The following CFAP47 variants were observed in gnomAD, a reference collection of about 807,000 sequenced individuals.
CFAP47 encodes cilia- and flagella-associated protein 47.
CFAP47 carries 29 observed loss-of-function variants against 148.1 expected under a neutral mutation model. That is an observed-to-expected ratio of 0.20 (90% CI 0.15 to 0.27). The LOEUF (loss-of-function observed/expected upper bound fraction) is 0.27. Among genes scored for constraint, CFAP47 ranks in the 10% least tolerant of loss-of-function variants. The pLI is 1.00. For missense variants in CFAP47, 1,872 were observed against 1,697.5 expected, an observed-to-expected ratio of 1.10 and a Z score of -1.81; for synonymous variants, 664 against 577.3, an observed-to-expected ratio of 1.15 and a Z score of -2.15.
chrX:36,252,731 G>A (rs1230820814), intron 49 of CFAP47, among the ~76,000 whole-genome samples: 4 of 111,848 alleles, frequency 3.6e-5, no homozygotes, highest in Admixed American at 2.9e-4. Flanking sequence ...GACAGTCCTA[G>A]TAGTTGGTAT....
At chrX:36,132,556 G>A (rs1016735144) in intron 33 of CFAP47, among the ~76,000 whole-genome samples, 1 of 111,597 alleles carries the variant, frequency 9.0e-6, no homozygotes, top group Admixed American at 9.5e-5. Flanking sequence ...AGAGAGAGTA[G>A]CTTGTATCAA....
chrX:36,118,315 G>C (rs1433721167), intron 33 of CFAP47, among the ~76,000 whole-genome samples: 1 of 111,243 alleles, frequency 9.0e-6, no homozygotes, highest in Non-Finnish European at 1.9e-5. Flanking sequence ...CATGGAATCT[G>C]TAGTTTGCTT....
At chrX:36,137,609 T>C (rs1381338514) in intron 33 of CFAP47, among the ~76,000 whole-genome samples, 2 of 111,055 alleles carry the variant, frequency 1.8e-5, no homozygotes, top group Non-Finnish European at 3.8e-5. Context: ...TTCAGTCTCC[T>C]TACCCATGTT....
intron 8 of CFAP47, among the ~76,000 whole-genome samples, chrX:35,963,713 ATTAT>A (rs1171898431): frequency 9.0e-6 from 1 of 110,887 alleles, no homozygotes; most frequent in Non-Finnish European, 1.9e-5. Context: ...TAATTTTGTC[ATTAT>A]TTATTTTACG....
intron 39 of CFAP47, among the ~76,000 whole-genome samples, chrX:36,169,371 TTCTC>T (rs1939536659): frequency 9.0e-6 from 1 of 110,758 alleles, no homozygotes; most frequent in African/African-American, 3.3e-5. Flanking sequence ...TTTTACCTCT[TTCTC>T]TCTCTTGTCT....
At chrX:36,118,289 A>C (rs1028001494) in intron 33 of CFAP47, among the ~76,000 whole-genome samples, 4 of 110,734 alleles carry the variant, frequency 3.6e-5, no homozygotes, top group African/African-American at 1.3e-4. Flanking sequence ...TGCCCTTGGT[A>C]TTTTCATAGG....
chrX:36,166,259 A>G (rs1335510564), intron 39 of CFAP47, among the ~76,000 whole-genome samples: 2 of 110,254 alleles, frequency 1.8e-5, no homozygotes, highest in African/African-American at 6.6e-5. Context: ...TGGTGTGCCT[A>G]CCATACATAC....
chrX:36,074,402 T>C (rs146482977), intron 29 of CFAP47, among the ~76,000 whole-genome samples: 1,841 of 111,713 alleles, frequency 0.016, 46 homozygotes, highest in African/African-American at 0.057. Context: ...CATTTGTTGA[T>C]TGCTGAGATA....
chrX:36,345,900 C>G (rs1941693552), intron 57 of CFAP47, among the ~76,000 whole-genome samples: 1 of 111,225 alleles, frequency 9.0e-6, no homozygotes, highest in Non-Finnish European at 1.9e-5. Flanking sequence ...TGAAAATTTA[C>G]AAGAATTTTG....
chrX:36,303,174 A>ACTTCTT (rs782536867), intron 53 of CFAP47, among the ~76,000 whole-genome samples: 1 of 110,483 alleles, frequency 9.1e-6, no homozygotes, highest in Non-Finnish European at 1.9e-5. Context: ...TTTAGCTTCT[A>ACTTCTT]CTTCTTCTTC....
chrX:36,381,949 A>G (rs2147009389), intron 63 of CFAP47, among the ~76,000 whole-genome samples: 1 of 111,045 alleles, frequency 9.0e-6, no homozygotes, highest in African/African-American at 3.3e-5. Context: ...TTATAACTAG[A>G]GACATAACCA....
In CFAP47 at chrX:35,975,347, A is replaced by T. The variant is rs137945455; in HGVS notation, c.2455A>T (p.Ile819Phe). The change falls in exon 14 of 64, where the codon ATT becomes TTT. Residue 819 changes from isoleucine (I) to phenylalanine (F), a missense_variant. By Grantham distance (21) the Ile-to-Phe change is conservative. Transcript: ENST00000378653. ...YISMVFDSPT[I>F]GKFWKSFTFT... ...TTCAATGGTATTTGACTCTCCCACCATTGGAAAATTTTGGAAGTAGGGATT... is the reference window on the plus strand; with the variant it reads ...TTCAATGGTATTTGACTCTCCCACCTTTGGAAAATTTTGGAAGTAGGGATT... 2.3e-5 allele frequency: 27 copies of T among 1,177,792 alleles called. No homozygotes were observed. In the African/African-American group the frequency reaches 3.6e-4, roughly 16 times the overall value.
At chrX:36,321,953 T>C (rs985317123) in intron 57 of CFAP47, among the ~76,000 whole-genome samples, 21 of 111,367 alleles carry the variant, frequency 1.9e-4, no homozygotes, top group African/African-American at 6.8e-4. Context: ...ACATTTTCTT[T>C]TTCTTCTCCT....
chrX:35,921,512 C>G (rs769081132), intron 1 of CFAP47, among the ~76,000 whole-genome samples: 5 of 111,767 alleles, frequency 4.5e-5, no homozygotes, highest in Non-Finnish European at 9.4e-5. Flanking sequence ...TGGACAACCA[C>G]TATTTTATGG....
Position 35,924,384 on chromosome X carries a change from CAT to C in CFAP47, c.250-1630_250-1629del, listed in dbSNP as rs201910352. Among the ~76,000 whole-genome samples, 133 of 101,940 alleles carry C rather than the reference CAT, an allele frequency of 1.3e-3. 6 individuals are homozygous for C. Among genetic ancestry groups the C allele is most frequent in the East Asian group, 6.1e-3 (20 of 3,294 alleles). The allele number at this position is 101,940 out of a possible 115,157, so 88.5% of individuals were successfully genotyped here. A position where few individuals can be genotyped will look rare whatever the true frequency, so the allele number is the denominator to read the frequency against. On this transcript the variant is annotated intron_variant, in intron 1 of 63. Coordinates refer to ENST00000378653, the MANE Select transcript of CFAP47 (RefSeq NM_001304548.2). ...ATATGTATATGTGCATATATGCACA[CAT>C]ATGTGTATATATGCACACACATATG...
At chrX:35,954,455 T>A (rs1441117176) in intron 7 of CFAP47, among the ~76,000 whole-genome samples, 2 of 111,331 alleles carry the variant, frequency 1.8e-5, no homozygotes. Context: ...CTGTATTCCT[T>A]GGGCATAAAT....
chrX:36,182,769 A>G (rs774964017), intron 40 of CFAP47, among the ~76,000 whole-genome samples: 1 of 112,020 alleles, frequency 8.9e-6, no homozygotes, highest in Non-Finnish European at 1.9e-5. Context: ...TTTTAAAAAA[A>G]CTCCATAAAT....
intron 53 of CFAP47, among the ~76,000 whole-genome samples, chrX:36,303,069 T>C (rs186468879): frequency 8.9e-6 from 1 of 112,267 alleles, no homozygotes; most frequent in African/African-American, 3.2e-5. Flanking sequence ...CACAAAAATG[T>C]ATTGTCTCAC....
intron 26 of CFAP47, among the ~76,000 whole-genome samples, chrX:36,049,250 C>G (rs756152599): frequency 9.1e-6 from 1 of 109,696 alleles, no homozygotes; most frequent in Admixed American, 9.8e-5. Context: ...CTAACTTGTC[C>G]AAGCTCACTC....
Sources: allele counts gnomAD v4.1 joint callset (sites outside exome capture counted in the v4.1 genomes callset), GRCh38; gene constraint gnomAD v4.1.1; transcripts MANE v1.5; gene names NCBI Gene and HGNC (gene_info 2026-07-23, HGNC 2026-07-21).